NES: variants seen among roughly 807,000 people sequenced by gnomAD.
NES encodes nestin.
A neutral mutation model predicts 35.6 loss-of-function variants in NES; 27 were observed. That is an observed-to-expected ratio of 0.76 (90% CI 0.56 to 1.04). The LOEUF is 1.04. NES is among the 50% of genes least tolerant of loss of function. NES has a pLI of 0.00. For missense variants in NES, 1,867 were observed against 1,983.6 expected (o/e 0.94, Z 1.12); for synonymous variants, 822 against 824.2 (o/e 1.00, Z 0.04).
In NES at chr1:156,672,321, G is replaced by A; in HGVS notation, c.1867C>T (p.Gln623Ter). ...TCCTTTTGCAGGGATTGCAATGTCTGTGTGTCCTCTTTTCCTGTAGGCTTA... is the reference window on the plus strand; with the variant it reads ...TCCTTTTGCAGGGATTGCAATGTCTATGTGTCCTCTTTTCCTGTAGGCTTA... Reference protein sequence around the residue: ...QLKPTGKEDTQTLQSLQKENQ... With the variant: ...QLKPTGKEDT The change falls in exon 4 of 4, where the codon CAG becomes TAG. Residue 623 changes from glutamine (Q) to a stop codon, truncating the protein, a stop_gained. Transcript: ENST00000368223. LOFTEE classifies it low-confidence loss of function (END_TRUNC). The A allele has an allele frequency of 1.2e-6, 2 of 1,611,058 alleles. No individual in the cohort carries two copies. The highest frequency in any genetic ancestry group is 1.7e-6 in the Non-Finnish European group (2 of 1,179,366).
In NES at chr1:156,669,990, G is replaced by A. The variant is rs529000307; in HGVS notation, c.4198C>T (p.Pro1400Ser). 15 of 1,613,850 alleles carry A rather than the reference G, an allele frequency of 9.3e-6. No homozygotes were observed. In the African/African-American group the frequency reaches 1.1e-4, roughly 11 times the overall value. Residue 1400 changes from proline to serine, a missense_variant, in exon 4 of 4, where the codon CCT (proline) becomes TCT (serine). By Grantham distance (74) the Pro-to-Ser change is moderately conservative. Transcript: ENST00000368223. ...LGQVPQLLLD[P>S]AAWDRDGESD... ...TCCCCATCTCGATCCCAGGCTGCAG[G>A]ATCCAGTAGCAGCTGGGGCACCTGG...
chr1:156,675,117 T>C, intron 2 of NES, 99 bp downstream of exon 2: 1 of 1,414,744 alleles, frequency 7.1e-7, no homozygotes, highest in Non-Finnish European at 9.7e-7. Flanking sequence ...GGCAGCAGAG[T>C]TGCCATCACC....
At chr1:156,673,716 C>A (rs1027336198) in intron 2 of NES, among the ~76,000 whole-genome samples, 189 bp from the exon 3 acceptor site, 1 of 152,174 alleles carries the variant, frequency 6.6e-6, no homozygotes, top group Non-Finnish European at 1.5e-5. Flanking sequence ...AGACATCACA[C>A]ACTTGGTCAC....
rs765764573 is a variant in NES at position 156,672,401 on chromosome 1, A to G, written c.1787T>C (p.Leu596Pro). 2 of 1,612,714 alleles carry G rather than the reference A, an allele frequency of 1.2e-6. No homozygotes were observed. Among genetic ancestry groups the G allele is most frequent in the Non-Finnish European group, 1.7e-6 (2 of 1,179,740 alleles). ...TCTCACTACCTCCACATCCTTTAAT[A>G]GCTCTTTATTTTCCTTTTCTAGACT... is the stretch of plus-strand genomic sequence containing the variant. Reference protein sequence around the residue: ...LKSLEKENKELLKDVEVVRPL... With the variant: ...LKSLEKENKEPLKDVEVVRPL... The change falls in exon 4 of 4, where the codon CTA becomes CCA. Residue 596 changes from leucine to proline, a missense_variant. Physicochemically the swap from Leu to Pro is moderately conservative, Grantham distance 98. Transcript: ENST00000368223.
rs777822489 is a variant in NES at position 156,669,437 on chromosome 1, CCCT to C, written c.4748_4750del (p.Glu1583del). ...TGCCCAAGAGGTCTTCAGAGCACTC[CCCT>C]CCTCCTCCTGAAAGGGGCTCCCTCG... On this transcript the variant is annotated inframe_deletion, in exon 4 of 4. Coordinates refer to ENST00000368223, the MANE Select transcript of NES (RefSeq NM_006617.2). 12 of 1,613,802 alleles carry C rather than the reference CCCT, an allele frequency of 7.4e-6. No homozygotes were observed. In the East Asian group the frequency reaches 1.3e-4, roughly 18 times the overall value.
In NES at chr1:156,672,972, T is replaced by G. The variant is rs1557999421; in HGVS notation, c.1216A>C (p.Arg406=). The stretch of plus-strand genomic sequence containing the variant: ...AGAGAGAGAGGAGCATCCTGGGCTC[T>G]GATCTCTGCATCTACAGCAGGAGAG... ...APSPAVDAEI[R]AQDAPLSLLQ... is the part of the protein sequence containing the mutation. Residue 406 remains arginine (R), a synonymous_variant, in exon 4 of 4, where the codon AGA becomes CGA. Transcript: ENST00000368223. 1.2e-6 allele frequency: 2 copies of G among 1,614,092 alleles called. No individual in the cohort carries two copies. Among genetic ancestry groups the G allele is most frequent in the Middle Eastern group, 1.6e-4 (1 of 6,062 alleles).
At chr1:156,673,596 G>A in intron 2 of NES, 69 bp from the exon 3 acceptor site, 1 of 1,185,726 alleles carries the variant, frequency 8.4e-7, no homozygotes, top group Non-Finnish European at 1.2e-6. Context: ...AGCCAGCTGG[G>A]GACAACTCAG....
intron 2 of NES, among the ~76,000 whole-genome samples, chr1:156,674,177 T>TAAGCTTG (rs1679793824): frequency 6.6e-6 from 1 of 152,202 alleles, no homozygotes; most frequent in South Asian, 2.1e-4. Flanking sequence ...CTAAGCACTC[T>TAAGCTTG]GGATCCCAAG....
In NES at chr1:156,671,981, A is replaced by G; in HGVS notation, c.2207T>C (p.Leu736Pro). ...CAGTGATTTGTGATTCTCTGTTTCT[A>G]GAGGTCTCACAATACTCTGGTCCTC... ...EEEDQSIVRP[L>P]ETENHKSLRS... The change falls in exon 4 of 4, where the codon CTA (leucine) becomes CCA (proline). Residue 736 changes from leucine to proline, a missense_variant. Leu to Pro is a moderately conservative substitution (Grantham distance 98). Transcript: ENST00000368223. The G allele has an allele frequency of 6.2e-7, 1 of 1,614,072 alleles. No individual in the cohort carries two copies. The highest frequency in any genetic ancestry group is 8.5e-7 in the Non-Finnish European group (1 of 1,180,012).
At position 156,677,344 on chromosome 1, in the gene NES, A is replaced by G; in HGVS notation, c.-80T>C. 2 of 970,492 alleles carry G rather than the reference A, an allele frequency of 2.1e-6. No homozygotes were observed. Among genetic ancestry groups the G allele is most frequent in the Non-Finnish European group, 3.0e-6 (2 of 657,002 alleles). The allele number at this position is 970,492 out of a possible 1,614,324, so 60.1% of individuals were successfully genotyped here. On this transcript the variant is annotated 5_prime_UTR_variant, in exon 1 of 4. Coordinates refer to ENST00000368223, the MANE Select transcript of NES (RefSeq NM_006617.2). The surrounding 1 kb of genome is among the most constrained non-coding windows in gnomAD (Gnocchi z 4.5). ...GCGGCTCGCAGAGCTTTTAGGACGG[A>G]AGAGAAAAGAGACCGACGGGGACAA...
chr1:156,672,846 C>T lies in NES; in HGVS notation c.1342G>A (p.Gly448Arg), dbSNP rs774792378. 3.1e-6 allele frequency: 5 copies of T among 1,613,962 alleles called. No individual in the cohort carries two copies. In the Admixed American group the frequency reaches 8.3e-5, roughly 27 times the overall value. The change falls in exon 4 of 4, where the codon GGG becomes AGG. Residue 448 changes from glycine (G) to arginine (R), a missense_variant. Gly to Arg is a moderately radical substitution (Grantham distance 125). Coordinates refer to ENST00000368223, the MANE Select transcript of NES (RefSeq NM_006617.2). ...ASVLPGPEEP[G>R]GQRQEASTGQ... ...GTACTGGCCTCTTGCCGCTGGCCCC[C>T]AGGCTCCTCTGGTCCAGGCAGGACG... is the stretch of plus-strand genomic sequence containing the variant.
At chr1:156,673,829 C>G (rs943844810) in intron 2 of NES, among the ~76,000 whole-genome samples, 1 of 152,146 alleles carries the variant, frequency 6.6e-6, no homozygotes, top group Non-Finnish European at 1.5e-5. Context: ...AAGGCTTAGG[C>G]TAGCCTCCTC....
Position 156,670,170 on chromosome 1 carries a change from C to G in NES, c.4018G>C (p.Glu1340Gln), listed in dbSNP as rs751381976. ...EGWDPAVLAS[E>Q]GLEAPPSEKE... is the part of the protein sequence containing the mutation. ...TCTGAGGGTGGGGCCTCAAGGCCCT[C>G]GGAAGCCAGGACAGCAGGATCCCAG... is the stretch of plus-strand genomic sequence containing the variant. Residue 1340 changes from glutamate (E) to glutamine (Q), a missense_variant, in exon 4 of 4, where the codon GAG becomes CAG. Glu to Gln is a conservative substitution (Grantham distance 29). Coordinates refer to ENST00000368223, the MANE Select transcript of NES (RefSeq NM_006617.2). The G allele has an allele frequency of 1.2e-6, 2 of 1,614,052 alleles. No homozygotes were observed. Among genetic ancestry groups the G allele is most frequent in the Non-Finnish European group, 1.7e-6 (2 of 1,180,004 alleles).
rs1679724031 is a variant in NES, at chr1:156,671,239, C to T, written c.2949G>A (p.Arg983=). The change falls in exon 4 of 4, where the codon AGG becomes AGA. Residue 983 remains arginine (R), a synonymous_variant. Transcript: ENST00000368223. ...ENEDEAELNL[R]EQDGFTGKEE... ...CCTTCCCAGTGAAGCCATCCTGCTC[C>T]CTCAGATTCAGCTCTGCCTCATCCT... The T allele has an allele frequency of 6.2e-7, 1 of 1,614,162 alleles. No homozygotes were observed. Among genetic ancestry groups the T allele is most frequent in the Non-Finnish European group, 8.5e-7 (1 of 1,180,028 alleles).
In NES at chr1:156,671,219, C is replaced by T. The variant is rs1679723556; in HGVS notation, c.2969G>A (p.Gly990Glu). 6.2e-7 allele frequency: 1 copy of T among 1,614,048 alleles called. No individual in the cohort carries two copies. Among genetic ancestry groups the T allele is most frequent in the Non-Finnish European group, 8.5e-7 (1 of 1,180,044 alleles). ...LNLREQDGFT[G>E]KEEVVEQGEL... ...TCCCTGCTCTACCACCTCCTCCTTC[C>T]CAGTGAAGCCATCCTGCTCCCTCAG... The change falls in exon 4 of 4, where the codon GGG (glycine) becomes GAG (glutamate). Residue 990 changes from glycine (G) to glutamate (E), a missense_variant. Physicochemically the swap from Gly to Glu is moderately conservative, Grantham distance 98. Transcript: ENST00000368223.
Position 156,671,805 on chromosome 1 carries a change from T to A in NES, c.2383A>T (p.Ile795Leu). The change falls in exon 4 of 4, where the codon ATA becomes TTA. Residue 795 changes from isoleucine to leucine, a missense_variant. Coordinates refer to ENST00000368223, the MANE Select transcript of NES (RefSeq NM_006617.2). The stretch of plus-strand genomic sequence containing the variant: ...TTCTCATTTTCAAGAGGTCTAGCTA[T>A]CTCCTGGTCAAGAGACTTCAGTGGT... ...LEPLKSLDQE[I>L]ARPLENENQE... The A allele has an allele frequency of 6.2e-7, 1 of 1,614,116 alleles. No homozygotes were observed. The highest frequency in any genetic ancestry group is 8.5e-7 in the Non-Finnish European group (1 of 1,180,024).
intron 2 of NES, among the ~76,000 whole-genome samples, chr1:156,674,019 G>A (rs1679790682): frequency 6.6e-6 from 1 of 152,154 alleles, no homozygotes; most frequent in African/African-American, 2.4e-5. Context: ...GGCCCCCAGA[G>A]CTAGCGACAG....
At position 156,669,425 on chromosome 1, in the gene NES, TTCAGAG is replaced by T; in HGVS notation, c.4757_4762del (p.Ala1586_Lys1588delinsGlu). 2 of 1,613,822 alleles carry T rather than the reference TTCAGAG, an allele frequency of 1.2e-6. No individual in the cohort carries two copies. Among genetic ancestry groups the T allele is most frequent in the Non-Finnish European group, 1.7e-6 (2 of 1,179,848 alleles). The stretch of plus-strand genomic sequence containing the variant: ...AACAGGAGCCCCTGCCCAAGAGGTC[TTCAGAG>T]CACTCCCCTCCTCCTCCTGAAAGGG... On this transcript the variant is annotated inframe_deletion, in exon 4 of 4. Coordinates refer to ENST00000368223, the MANE Select transcript of NES (RefSeq NM_006617.2).
In NES at chr1:156,676,470, C is replaced by T. The variant is rs1299814601; in HGVS notation, c.783+12G>A. The T allele has an allele frequency of 6.3e-7, 1 of 1,597,004 alleles. No individual in the cohort carries two copies. The highest frequency in any genetic ancestry group is 8.5e-7 in the Non-Finnish European group (1 of 1,178,988). On this transcript the variant is annotated intron_variant, in intron 1 of 3. Transcript: ENST00000368223. This position sits in a 1 kb window ranked among gnomAD's most constrained non-coding sequence, Gnocchi z 5.3. The stretch of plus-strand genomic sequence containing the variant: ...TGGGACTTTCTCTCACCCAGGCCCT[C>T]AACCTCCTCACCTGGAACTTTTCAG...
Sources: allele counts gnomAD v4.1 joint callset (sites outside exome capture counted in the v4.1 genomes callset), GRCh38; gene constraint gnomAD v4.1.1; non-coding constraint Gnocchi (gnomAD v3.1); transcripts MANE v1.5; gene names NCBI Gene and HGNC (gene_info 2026-07-23, HGNC 2026-07-21).